EYS: variants seen among roughly 807,000 people sequenced by gnomAD.
EYS encodes EGF-like photoreceptor maintenance factor.
In EYS, 250 loss-of-function variants were observed where a neutral mutation model predicts 282.1. That is an observed-to-expected ratio of 0.89 (90% CI 0.80 to 0.98). EYS has a LOEUF of 0.98. Ranked by LOEUF, EYS falls within the 50% of genes least tolerant of loss-of-function variation. The pLI, the probability that EYS is intolerant of heterozygous loss-of-function variation, is 0.00. For synonymous variants in EYS, 1,355 were observed against 1,282.9 expected (o/e 1.06, Z -1.20); for missense variants, 4,016 against 3,709.0 (o/e 1.08, Z -2.15).
intron 22 of EYS, among the ~76,000 whole-genome samples, chr6:64,735,100 T>C (rs987843996): frequency 1.3e-5 from 2 of 152,112 alleles, no homozygotes; most frequent in African/African-American, 2.4e-5. Context: ...TTTGTTTTTT[T>C]TGAGACCCAG....
intron 26 of EYS, among the ~76,000 whole-genome samples, chr6:64,448,796 C>T (rs1255865516): frequency 6.6e-6 from 1 of 152,172 alleles, no homozygotes; most frequent in Non-Finnish European, 1.5e-5. Flanking sequence ...GCTGAGGGTC[C>T]TCACTGTTAG....
chr6:64,854,601 G>A (rs1765996491), intron 19 of EYS, among the ~76,000 whole-genome samples: 1 of 128,490 alleles, frequency 7.8e-6, no homozygotes, highest in African/African-American at 2.9e-5. Context: ...GTGGGGTGGG[G>A]GGAGGGGGGA....
chr6:65,235,129 T>C (rs764576809), intron 12 of EYS, among the ~76,000 whole-genome samples: 1 of 152,352 alleles, frequency 6.6e-6, no homozygotes, highest in Middle Eastern at 3.4e-3. Context: ...ATTCAGTATA[T>C]GAGCCTAAGC....
intron 12 of EYS, among the ~76,000 whole-genome samples, chr6:65,095,341 T>G (rs1774708897): frequency 6.6e-6 from 1 of 151,102 alleles, no homozygotes; most frequent in African/African-American, 2.4e-5. Context: ...CTATTATACA[T>G]CATGGTGACT....
chr6:64,241,615 C>CA lies in EYS; in HGVS notation c.6192-10792dup, dbSNP rs377418253. ...TATCTATCTATTTTGTTGATCTTTT[C>CA]AAAAAAAACAGCTCCTGGATTCATT... On this transcript the variant is annotated intron_variant, in intron 30 of 42. Coordinates refer to ENST00000503581, the MANE Select transcript of EYS (RefSeq NM_001142800.2). Among the ~76,000 whole-genome samples the CA allele has an allele frequency of 1.8e-4, 27 of 150,526 alleles. No individual in the cohort carries two copies. The East Asian group carries it at 1.9e-3, about 11-fold the overall frequency.
At chr6:65,078,941 C>G (rs1412736121) in intron 12 of EYS, among the ~76,000 whole-genome samples, 1 of 151,674 alleles carries the variant, frequency 6.6e-6, no homozygotes, top group Non-Finnish European at 1.5e-5. Flanking sequence ...ATGTGACATG[C>G]AAGCTCCTGC....
At chr6:65,392,052 G>C (rs1252267139) in intron 7 of EYS, among the ~76,000 whole-genome samples, 5 of 152,046 alleles carry the variant, frequency 3.3e-5, no homozygotes, top group African/African-American at 4.8e-5. Context: ...ACAAACCTGA[G>C]AGAAACAAGC....
Position 65,047,091 on chromosome 6 carries a change from A to G in EYS, c.2137+10523T>C, listed in dbSNP as rs549551956. Among the ~76,000 whole-genome samples the G allele has an allele frequency of 5.9e-4, 88 of 149,096 alleles. 1 individual carries two copies. The East Asian group carries it at 7.5e-3, about 13-fold the overall frequency. ...CAGCCTGCGGAACTATGAGTCAATT[A>G]AACCTCTTTTTTTTTTTTTATAAAC... is the stretch of plus-strand genomic sequence containing the variant. On this transcript the variant is annotated intron_variant, in intron 13 of 42. Coordinates refer to ENST00000503581, the MANE Select transcript of EYS (RefSeq NM_001142800.2).
intron 26 of EYS, among the ~76,000 whole-genome samples, chr6:64,542,035 T>C (rs1562050552): frequency 6.6e-6 from 1 of 152,178 alleles, no homozygotes; most frequent in Non-Finnish European, 1.5e-5. Context: ...CTGTATGATA[T>C]ATATTATTTT....
intron 29 of EYS, among the ~76,000 whole-genome samples, chr6:64,334,813 C>T (rs1374008999): frequency 6.6e-6 from 1 of 152,152 alleles, no homozygotes; most frequent in African/African-American, 2.4e-5. Context: ...TGCCAGGAAG[C>T]AGAAGTTAGC....
At chr6:64,444,789 T>C (rs6931914) in intron 26 of EYS, among the ~76,000 whole-genome samples, 56,167 of 152,060 alleles carry the variant, frequency 0.37, 11,130 homozygotes, top group African/African-American at 0.52. Context: ...TGGTGCCATC[T>C]TCACAGTAAT....
chr6:65,607,658 T>C (rs1209323045), intron 2 of EYS, among the ~76,000 whole-genome samples: 1 of 125,716 alleles, frequency 8.0e-6, no homozygotes, highest in African/African-American at 2.5e-5. Flanking sequence ...TCTGAGATAA[T>C]TAATGTTTTA....
intron 13 of EYS, among the ~76,000 whole-genome samples, chr6:65,028,281 T>A (rs1353964376): frequency 6.6e-6 from 1 of 151,950 alleles, no homozygotes; most frequent in Non-Finnish European, 1.5e-5. Flanking sequence ...TAATATTTTA[T>A]CTCTATGTTC....
chr6:64,133,449 G>A (rs945886398), intron 31 of EYS, among the ~76,000 whole-genome samples: 1 of 149,728 alleles, frequency 6.7e-6, no homozygotes, highest in Non-Finnish European at 1.5e-5. Flanking sequence ...TAAGATAGAG[G>A]AGAACTTGGC....
At chr6:64,962,907 C>T (rs1388147313) in intron 14 of EYS, among the ~76,000 whole-genome samples, 5 of 152,102 alleles carry the variant, frequency 3.3e-5, no homozygotes, top group Non-Finnish European at 1.5e-5. Flanking sequence ...TTGATTAGCT[C>T]GATGAGGCTT....
intron 22 of EYS, among the ~76,000 whole-genome samples, chr6:64,776,753 G>C (rs1178946500): frequency 6.6e-6 from 1 of 152,058 alleles, no homozygotes; most frequent in African/African-American, 2.4e-5. Flanking sequence ...TTGCCACACT[G>C]TCCAGTTGGT....
chr6:64,700,172 GA>G (rs1770730134), intron 22 of EYS, among the ~76,000 whole-genome samples: 1 of 151,894 alleles, frequency 6.6e-6, no homozygotes, highest in Non-Finnish European at 1.5e-5. Flanking sequence ...AGCATTTGAT[GA>G]AATGGAGTAT....
intron 31 of EYS, among the ~76,000 whole-genome samples, chr6:64,172,982 T>C (rs1764527450): frequency 6.6e-6 from 1 of 152,162 alleles, no homozygotes; most frequent in South Asian, 2.1e-4. Flanking sequence ...AAGTTTGGGA[T>C]CGCTGCTTTA....
chr6:64,493,072 A>G (rs1258372337), intron 26 of EYS, among the ~76,000 whole-genome samples: 3 of 151,524 alleles, frequency 2.0e-5, no homozygotes, highest in African/African-American at 4.8e-5. Context: ...TTGCCATGTT[A>G]ATTCATCTAT....
Sources: gnomAD v4.1 joint callset for allele counts (sites outside exome capture counted in the v4.1 genomes callset) on GRCh38, gnomAD v4.1.1 for gene constraint, MANE v1.5 for transcripts, NCBI Gene and HGNC (gene_info 2026-07-23, HGNC 2026-07-21) for gene names.